The following HHLA2 variants were observed in gnomAD, a reference collection of about 807,000 sequenced individuals.
The protein encoded by HHLA2 is HERV-H LTR-associating protein 2.
A neutral mutation model predicts 45.9 loss-of-function variants in HHLA2; 48 were observed. The ratio of observed to expected loss-of-function variants is 1.05; its 90% CI spans 0.83 to 1.33. The LOEUF is 1.33. Among genes scored for constraint, HHLA2 ranks in the 40% most tolerant of loss-of-function variants. The probability of loss-of-function intolerance (pLI) is 0.00; values close to 1 mark genes in which losing one functional copy is unlikely to be tolerated. For synonymous variants in HHLA2, 161 were observed against 173.9 expected (o/e 0.93, Z 0.59); for missense variants, 462 against 494.3 (o/e 0.93, Z 0.62).
chr3:108,364,479 A>G (rs1287300630), intron 8 of HHLA2, among the ~76,000 whole-genome samples: 1 of 152,126 alleles, frequency 6.6e-6, no homozygotes, highest in African/African-American at 2.4e-5. Flanking sequence ...TTCATAGTAG[A>G]ATGATTTATA....
intron 8 of HHLA2, among the ~76,000 whole-genome samples, chr3:108,368,535 CAAAAAAAAAAAAAAAAAAAAAAA>C (rs55718572): frequency 0.025 from 164 of 6,638 alleles, 6 homozygotes; most frequent in Admixed American, 0.033. Context: ...AAACGAAGAG[CAAAAAAAAAAAAAAAAAAAAAAA>C]AAAAAAAAAA....
chr3:108,348,928 G>T lies in HHLA2; in HGVS notation c.-26-2860G>T, dbSNP rs550890360. On this transcript the variant is annotated intron_variant, in intron 3 of 10. Coordinates refer to ENST00000619531, the Ensembl canonical transcript of HHLA2. Reference sequence around the variant, plus strand: ...TTGTGATAGTTTCCTGAGAATGATGGTTTCCAGCTTCATCCATGTCCCTGC... The same window carrying T: ...TTGTGATAGTTTCCTGAGAATGATGTTTTCCAGCTTCATCCATGTCCCTGC... 1.1e-3 allele frequency among the ~76,000 whole-genome samples: 174 copies of T among 152,146 alleles called. 4 individuals are homozygous for T. The Middle Eastern group carries it at 0.044, about 39-fold the overall frequency.
exon 5 of HHLA2, chr3:108,353,710 A>G (rs767318616): frequency 6.2e-7 from 1 of 1,613,654 alleles, no homozygotes; most frequent in East Asian, 2.2e-5. Context: ...TTCTGGACGA[A>G]GGAATTTACA....
chr3:108,353,779 AG>A lies in HHLA2; in HGVS notation c.418+1del, dbSNP rs768160208. 6.6e-5 allele frequency: 105 copies of A among 1,599,438 alleles called. No homozygotes were observed. Among genetic ancestry groups the A allele is most frequent in the Middle Eastern group, 1.7e-4 (1 of 6,006 alleles). On this transcript the variant is annotated frameshift_variant and splice_region_variant, in exon 5 of 11. Transcript: ENST00000619531. LOFTEE classifies it high-confidence loss of function. ...CAAACAAAGTGGTGCTAAAGGTGGG[AG>A]GTAAGTGTGCATGTAAAGTTTCATG... is the stretch of plus-strand genomic sequence containing the variant.
intron 2 of HHLA2, among the ~76,000 whole-genome samples, chr3:108,321,445 A>G (rs530804028): frequency 6.6e-6 from 1 of 152,278 alleles, no homozygotes; most frequent in East Asian, 1.9e-4. Context: ...CCATACTTGC[A>G]AGTTACAAGT....
At chr3:108,307,527 G>A (rs112051081) in intron 1 of HHLA2, among the ~76,000 whole-genome samples, 7 of 152,026 alleles carry the variant, frequency 4.6e-5, no homozygotes, top group Non-Finnish European at 7.4e-5. Flanking sequence ...CCAGCTACTC[G>A]GGAGGCTGAG....
intron 1 of HHLA2, among the ~76,000 whole-genome samples, chr3:108,301,266 A>G (rs566670427): frequency 3.3e-5 from 5 of 152,282 alleles, no homozygotes; most frequent in Non-Finnish European, 7.4e-5. Flanking sequence ...ATGCTCTGAC[A>G]TAGTTCTGCA....
intron 3 of HHLA2, among the ~76,000 whole-genome samples, chr3:108,347,970 G>A (rs2081699105): frequency 6.6e-6 from 1 of 152,064 alleles, no homozygotes. Context: ...AATGGAAAAG[G>A]AAATGAGGTG....
At chr3:108,357,801 A>G (rs2081920367) in intron 6 of HHLA2, 43 bp from the exon 6 acceptor site, 1 of 1,464,326 alleles carries the variant, frequency 6.8e-7, no homozygotes, top group Non-Finnish European at 9.3e-7. Context: ...TTCTTTTGAA[A>G]TGTTTATCTT....
chr3:108,368,534 G>GAAAAAAAAAAAAAA, intron 8 of HHLA2, among the ~76,000 whole-genome samples: 1 of 12,054 alleles, frequency 8.3e-5, no homozygotes, highest in Admixed American at 1.2e-3. Context: ...CAAACGAAGA[G>GAAAAAAAAAAAAAA]CAAAAAAAAA....
chr3:108,370,474 G>A lies in HHLA2; in HGVS notation c.1109-5276G>A, dbSNP rs199553431. On this transcript the variant is annotated intron_variant, in intron 8 of 10. Coordinates refer to ENST00000619531, the Ensembl canonical transcript of HHLA2. ...CACCAGCAACGGAACAAAGCTGGACGGAGAATGACTTTGACGAGTTGAGAG... is the reference window on the plus strand; with the variant it reads ...CACCAGCAACGGAACAAAGCTGGACAGAGAATGACTTTGACGAGTTGAGAG... Among the ~76,000 whole-genome samples, 46 of 152,280 alleles carry A rather than the reference G, an allele frequency of 3.0e-4. No individual in the cohort carries two copies. In the East Asian group the frequency reaches 6.4e-3, roughly 21 times the overall value.
At chr3:108,331,231 A>G (rs1002313575) in intron 3 of HHLA2, among the ~76,000 whole-genome samples, 15 of 152,304 alleles carry the variant, frequency 9.8e-5, no homozygotes, top group Admixed American at 8.5e-4. Context: ...CTCACTCCAG[A>G]TATATTGACT....
intron 1 of HHLA2, among the ~76,000 whole-genome samples, chr3:108,300,380 G>A (rs1258995140): frequency 6.6e-6 from 1 of 152,152 alleles, no homozygotes; most frequent in Admixed American, 6.6e-5. Flanking sequence ...GAGTTGATGA[G>A]TCAAAGATTC....
intron 3 of HHLA2, among the ~76,000 whole-genome samples, chr3:108,350,046 GTAT>G (rs2081749033): frequency 6.6e-6 from 1 of 151,938 alleles, no homozygotes; most frequent in African/African-American, 2.4e-5. Flanking sequence ...GAGGCAAAAG[GTAT>G]TATTACATGT....
intron 3 of HHLA2, among the ~76,000 whole-genome samples, chr3:108,350,523 CA>C (rs1327030323): frequency 6.6e-6 from 1 of 152,050 alleles, no homozygotes. Flanking sequence ...GTTATTTTAA[CA>C]GGAGTTACAT....
chr3:108,332,957 T>C (rs1191502591), intron 3 of HHLA2, among the ~76,000 whole-genome samples: 4 of 152,170 alleles, frequency 2.6e-5, no homozygotes, highest in Non-Finnish European at 5.9e-5. Flanking sequence ...TGATGGTGGA[T>C]TGTATATGAT....
chr3:108,373,279 C>G (rs188061792), intron 8 of HHLA2, among the ~76,000 whole-genome samples: 2 of 152,126 alleles, frequency 1.3e-5, no homozygotes, highest in African/African-American at 4.8e-5. Context: ...AATTCAACAA[C>G]GCCTTCATGC....
chr3:108,369,425 G>A (rs1191309335), intron 8 of HHLA2, among the ~76,000 whole-genome samples: 2 of 152,160 alleles, frequency 1.3e-5, no homozygotes, highest in African/African-American at 4.8e-5. Flanking sequence ...TCCAACTGAG[G>A]TACCAGGTTC....
chr3:108,300,935 C>T (rs574039184), intron 1 of HHLA2, among the ~76,000 whole-genome samples: 15 of 152,226 alleles, frequency 9.9e-5, no homozygotes, highest in East Asian at 5.8e-4. Context: ...CAAATATTTA[C>T]GTTTAGCTTC....
Sources: allele counts gnomAD v4.1 joint callset (sites outside exome capture counted in the v4.1 genomes callset), GRCh38; gene constraint gnomAD v4.1.1; transcripts MANE v1.5; gene names NCBI Gene and HGNC (gene_info 2026-07-23, HGNC 2026-07-21).